The following MED12L variants were observed in gnomAD, a reference collection of about 807,000 sequenced individuals.
MED12L encodes mediator complex subunit 12L, also known as mediator of RNA polymerase II transcription subunit 12-like protein.
In MED12L, 60 loss-of-function variants were observed where a neutral mutation model predicts 281.3. The ratio of observed to expected loss-of-function variants is 0.21; its 90% CI spans 0.17 to 0.26. The LOEUF is 0.26. Ranked by LOEUF, MED12L falls within the 10% of genes least tolerant of loss-of-function variation. MED12L has a pLI of 1.00. For synonymous variants in MED12L, 974 were observed against 987.2 expected (o/e 0.99, Z 0.25); for missense variants, 2,146 against 2,680.9 (o/e 0.80, Z 4.41).
In MED12L at chr3:151,257,466, G is replaced by A. The variant is rs78586780; in HGVS notation, c.2250+63800G>A. ...TTACACATTAGCTTTGTGTCATGGG[G>A]CACATTACTTAACCTCTCTGTGCTT... On this transcript the variant is annotated intron_variant, in intron 16 of 44. Coordinates refer to ENST00000687756, the MANE Select transcript of MED12L (RefSeq NM_001393769.1). 9.5e-4 allele frequency among the ~76,000 whole-genome samples: 145 copies of A among 152,322 alleles called. 1 individual carries two copies. Among genetic ancestry groups the A allele is most frequent in the African/African-American group, 3.4e-3 (140 of 41,578 alleles).
chr3:151,247,123 G>A (rs1735723975), intron 16 of MED12L, among the ~76,000 whole-genome samples: 1 of 152,272 alleles, frequency 6.6e-6, no homozygotes, highest in South Asian at 2.1e-4. Flanking sequence ...ACAGGTGCTG[G>A]AGAGGATGTG....
intron 8 of MED12L, among the ~76,000 whole-genome samples, 184 bp downstream of exon 8, chr3:151,160,285 T>C (rs1054954601): frequency 2.6e-5 from 4 of 152,228 alleles, no homozygotes; most frequent in Admixed American, 6.5e-5. Context: ...AGAGAAGATT[T>C]GTCACATTCG....
At chr3:151,153,564 C>CTTTTTTTTTTTTTT (rs1177653143) in intron 5 of MED12L, among the ~76,000 whole-genome samples, 1 of 94,288 alleles carries the variant, frequency 1.1e-5, no homozygotes, top group Non-Finnish European at 2.0e-5. Context: ...TGTTTTCTTT[C>CTTTTTTTTTTTTTT]TTTTTTTTTT....
At chr3:151,118,591 A>G (rs1342669291) in intron 3 of MED12L, among the ~76,000 whole-genome samples, 1 of 151,944 alleles carries the variant, frequency 6.6e-6, no homozygotes, top group Non-Finnish European at 1.5e-5. Context: ...CTTGGGTATT[A>G]AGTACATTTG....
At chr3:151,154,898 C>G (rs1719060258) in intron 5 of MED12L, among the ~76,000 whole-genome samples, 1 of 152,186 alleles carries the variant, frequency 6.6e-6, no homozygotes, top group African/African-American at 2.4e-5. Flanking sequence ...AAACTAGGAA[C>G]AGAATGTCGA....
chr3:151,273,227 CTTTTTTTTTTT>C (rs63035061), intron 16 of MED12L, among the ~76,000 whole-genome samples: 5 of 106,168 alleles, frequency 4.7e-5, no homozygotes, highest in African/African-American at 1.0e-4. Flanking sequence ...TTGTTGTGTT[CTTTTTTTTTTT>C]TTTTTTTTTT....
At chr3:151,275,506 A>G (rs1286254860) in intron 16 of MED12L, among the ~76,000 whole-genome samples, 1 of 152,234 alleles carries the variant, frequency 6.6e-6, no homozygotes, top group Non-Finnish European at 1.5e-5. Context: ...TTTCAAAGGA[A>G]TCTAATCAGA....
chr3:151,329,034 CAAAAG>C (rs753432791), intron 16 of MED12L: 11 of 1,476,134 alleles, frequency 7.5e-6, no homozygotes, highest in Admixed American at 2.4e-5. Context: ...TATATACAAA[CAAAAG>C]AAAACAAAAA....
intron 5 of MED12L, among the ~76,000 whole-genome samples, chr3:151,129,811 C>T (rs1715104810): frequency 6.6e-6 from 1 of 151,680 alleles, no homozygotes. Context: ...CTCAGTCACC[C>T]ATGTTGGAGT....
At chr3:151,116,871 G>T (rs895253966) in intron 3 of MED12L, among the ~76,000 whole-genome samples, 2 of 152,082 alleles carry the variant, frequency 1.3e-5, no homozygotes, top group African/African-American at 4.8e-5. Flanking sequence ...CCTACTATTG[G>T]CTATAGTTTG....
At chr3:151,314,951 G>A (rs959482650) in intron 16 of MED12L, among the ~76,000 whole-genome samples, 1 of 152,124 alleles carries the variant, frequency 6.6e-6, no homozygotes, top group African/African-American at 2.4e-5. Flanking sequence ...TGAGTCCTGG[G>A]CTTTCTACTT....
intron 3 of MED12L, 136 bp from the exon 4 acceptor site, chr3:151,122,647 A>T: frequency 1.7e-6 from 1 of 606,050 alleles, no homozygotes; most frequent in East Asian, 3.0e-5. Flanking sequence ...GGCTTCAAAG[A>T]CTTAAATTCC....
intron 16 of MED12L, among the ~76,000 whole-genome samples, chr3:151,312,145 T>C (rs1273879218): frequency 6.6e-6 from 1 of 152,224 alleles, no homozygotes. Context: ...TTATTTTCAG[T>C]TTTATTTGTA....
At chr3:151,115,618 A>T (rs1712648325) in intron 2 of MED12L, among the ~76,000 whole-genome samples, 1 of 151,504 alleles carries the variant, frequency 6.6e-6, no homozygotes, top group Non-Finnish European at 1.5e-5. Context: ...AAGTGCTGGG[A>T]TTACAGGCAT....
intron 16 of MED12L, among the ~76,000 whole-genome samples, chr3:151,341,523 T>A (rs1477908683): frequency 6.6e-6 from 1 of 151,954 alleles, no homozygotes; most frequent in South Asian, 2.1e-4. Flanking sequence ...GCAAAAAATA[T>A]GTTAGGGGTG....
chr3:151,124,492 C>T (rs970551038), intron 4 of MED12L, among the ~76,000 whole-genome samples: 4 of 152,182 alleles, frequency 2.6e-5, no homozygotes, highest in Admixed American at 2.0e-4. Context: ...ATATCATCTT[C>T]TTGAGATGGT....
intron 6 of MED12L, 57 bp from the exon 7 acceptor site, chr3:151,158,632 C>A: frequency 9.0e-7 from 1 of 1,108,320 alleles, no homozygotes; most frequent in Non-Finnish European, 1.4e-6. Flanking sequence ...AATGACAGTG[C>A]CTTTTTTGTT....
At position 151,147,482 on chromosome 3, in the gene MED12L, A is replaced by G. The variant is rs189438775; in HGVS notation, c.557-8679A>G. Reference sequence around the variant, plus strand: ...AACCACATTTTAGAACATTTTCGCTACCCCTGAAAAACCCCATGCCCATGA... The same window carrying G: ...AACCACATTTTAGAACATTTTCGCTGCCCCTGAAAAACCCCATGCCCATGA... On this transcript the variant is annotated intron_variant, in intron 5 of 44. Transcript: ENST00000687756. Among the ~76,000 whole-genome samples the G allele has an allele frequency of 7.2e-5, 11 of 152,310 alleles. No individual in the cohort carries two copies. The East Asian group carries it at 2.1e-3, about 29-fold the overall frequency.
chr3:151,164,097 G>A (rs1457434480), intron 9 of MED12L, 55 bp downstream of exon 9: 6 of 1,577,184 alleles, frequency 3.8e-6, no homozygotes, highest in South Asian at 1.1e-5. Flanking sequence ...ACAGGCATCA[G>A]GGCACAGTGG....
Sources: gnomAD v4.1 joint callset for allele counts (sites outside exome capture counted in the v4.1 genomes callset) on GRCh38, gnomAD v4.1.1 for gene constraint, MANE v1.5 for transcripts, NCBI Gene and HGNC (gene_info 2026-07-23, HGNC 2026-07-21) for gene names.